The following PDE6B variants were observed in gnomAD, a reference collection of about 807,000 sequenced individuals.
PDE6B encodes phosphodiesterase 6B.
A neutral mutation model predicts 109.0 loss-of-function variants in PDE6B; 106 were observed. The observed-to-expected ratio is 0.97, with a 90% confidence interval of 0.83 to 1.14. PDE6B has a LOEUF of 1.14. Among genes scored for constraint, PDE6B ranks in the 50% most tolerant of loss-of-function variants. The pLI is 0.00. For missense variants in PDE6B, 1,193 were observed against 1,155.6 expected (o/e 1.03, Z -0.47); for synonymous variants, 490 against 471.3 (o/e 1.04, Z -0.51).
Position 667,870 on chromosome 4 carries a change from C to A in PDE6B, c.2367C>A (p.Phe789Leu). The change falls in exon 21 of 22, where the codon TTC becomes TTA. Residue 789 changes from phenylalanine (F) to leucine (L), a missense_variant. Coordinates refer to ENST00000496514, the MANE Select transcript of PDE6B (RefSeq NM_000283.4). ...CTFVYKEFSR[F>L]HEEILPMFDR... Reference sequence around the variant, plus strand: ...ACTCCCCTCAGGAGTTCTCTCGTTTCCACGAAGAGATCCTGCCCATGTTCG... The same window carrying A: ...ACTCCCCTCAGGAGTTCTCTCGTTTACACGAAGAGATCCTGCCCATGTTCG... The A allele has an allele frequency of 2.5e-6, 4 of 1,613,258 alleles. No individual in the cohort carries two copies. The highest frequency in any genetic ancestry group is 3.4e-6 in the Non-Finnish European group (4 of 1,179,596).
At chr4:664,075 C>G (rs992650711) in intron 16 of PDE6B, 39 bp from the exon 17 acceptor site, 1 of 1,418,312 alleles carries the variant, frequency 7.1e-7, no homozygotes, top group East Asian at 2.3e-5. Context: ...GGTCTCCACA[C>G]TTGCTCCCAC....
intron 1 of PDE6B, among the ~76,000 whole-genome samples, chr4:630,163 G>A (rs1435635414): frequency 6.6e-6 from 1 of 152,204 alleles, no homozygotes; most frequent in Admixed American, 6.5e-5. Flanking sequence ...ACAGACACAC[G>A]ATGGTGTGGC....
rs1028473123 is a variant in PDE6B, at chr4:636,869, A to T, written c.711+900A>T. 1.3e-5 allele frequency among the ~76,000 whole-genome samples: 2 copies of T among 152,224 alleles called. No individual in the cohort carries two copies. The highest frequency in any genetic ancestry group is 2.9e-5 in the Non-Finnish European group (2 of 68,028). On this transcript the variant is annotated intron_variant, in intron 3 of 21. Coordinates refer to ENST00000496514, the MANE Select transcript of PDE6B (RefSeq NM_000283.4). The surrounding 1 kb of genome is among the most constrained non-coding windows in gnomAD (Gnocchi z 4.5). The stretch of plus-strand genomic sequence containing the variant: ...GTCAGGGCCCCTGGGGCATCCAGCC[A>T]TCCAGCCAGTGGACACCTGTGAGAA...
At chr4:639,372 T>C (rs1456494646) in intron 3 of PDE6B, among the ~76,000 whole-genome samples, 2 of 152,114 alleles carry the variant, frequency 1.3e-5, no homozygotes, top group African/African-American at 4.8e-5. Context: ...AGGGCAGTTC[T>C]GTGATGTTTT....
chr4:653,188 G>A, intron 3 of PDE6B: 1 of 1,000,536 alleles, frequency 1.0e-6, no homozygotes, highest in Non-Finnish European at 1.2e-6. Flanking sequence ...CCGCAGCGGA[G>A]GAGAGGGAGC....
chr4:638,425 C>T (rs770607216), intron 3 of PDE6B, among the ~76,000 whole-genome samples: 6 of 152,086 alleles, frequency 3.9e-5, no homozygotes, highest in Non-Finnish European at 5.9e-5. Flanking sequence ...CAGGTTCAAG[C>T]GATTCTCCTG....
chr4:656,508 C>T (rs960277506), intron 8 of PDE6B, among the ~76,000 whole-genome samples: 11 of 151,732 alleles, frequency 7.2e-5, no homozygotes, highest in Admixed American at 3.3e-4. Flanking sequence ...AGGCCGTGAC[C>T]GCGGCCCCCA....
chr4:660,298 G>T (rs932055892), intron 11 of PDE6B, among the ~76,000 whole-genome samples, 169 bp from the exon 12 acceptor site: 8 of 152,222 alleles, frequency 5.3e-5, no homozygotes. Context: ...TGAGCCAGGG[G>T]GGCGTGTGAG....
chr4:662,512 G>A lies in PDE6B; in HGVS notation c.1726G>A (p.Gly576Ser), dbSNP rs753925314. ...AQTMFTLLMT[G>S]KLKSYYTDLE... Reference sequence around the variant, plus strand: ...CAAGGTGGCCCTGTCTCTACAGACCGGCAAACTGAAGAGCTACTACACGGA... The same window carrying A: ...CAAGGTGGCCCTGTCTCTACAGACCAGCAAACTGAAGAGCTACTACACGGA... Residue 576 changes from glycine to serine, a missense_variant, in exon 14 of 22, where the codon GGC becomes AGC. Transcript: ENST00000496514. The surrounding 1 kb of genome is among the most constrained non-coding windows in gnomAD (Gnocchi z 4.3). 14 of 1,609,068 alleles carry A rather than the reference G, an allele frequency of 8.7e-6. No individual in the cohort carries two copies. The highest frequency in any genetic ancestry group is 2.2e-5 in the East Asian group (1 of 44,888).
Position 663,576 on chromosome 4 carries a change from G to T in PDE6B, c.1921-194G>T. ...GAGGCCATCTGCGTCCCAAGCCGAC[G>T]ATGGAGCCGCTGGTGGAGAGCTGGG... On this transcript the variant is annotated intron_variant, in intron 15 of 21. Transcript: ENST00000496514. This position sits in a 1 kb window ranked among gnomAD's most constrained non-coding sequence, Gnocchi z 4.0. 1.6e-6 allele frequency: 1 copy of T among 627,828 alleles called. No individual in the cohort carries two copies. The highest frequency in any genetic ancestry group is 2.9e-6 in the Non-Finnish European group (1 of 350,528). The allele number at this position is 627,828 out of a possible 1,614,324, so 38.9% of individuals were successfully genotyped here.
chr4:646,877 A>T (rs1735230870), intron 3 of PDE6B, among the ~76,000 whole-genome samples: 2 of 147,998 alleles, frequency 1.4e-5, no homozygotes, highest in South Asian at 2.1e-4. Context: ...TTTTTTTTTG[A>T]GACATTGTCT....
At position 663,153 on chromosome 4, in the gene PDE6B, A is replaced by T; in HGVS notation, c.1886A>T (p.His629Leu). The T allele has an allele frequency of 6.2e-7, 1 of 1,611,310 alleles. No individual in the cohort carries two copies. Among genetic ancestry groups the T allele is most frequent in the Non-Finnish European group, 8.5e-7 (1 of 1,177,864 alleles). The change falls in exon 15 of 22, where the codon CAC becomes CTC. Residue 629 changes from histidine to leucine, a missense_variant. His to Leu is a moderately conservative substitution (Grantham distance 99). Transcript: ENST00000496514. This position sits in a 1 kb window ranked among gnomAD's most constrained non-coding sequence, Gnocchi z 4.0. ...LHGSSILERH[H>L]LEFGKFLLSE... ...GGCTCCTCGATTTTGGAGCGGCACC[A>T]CCTGGAGTTTGGGAAGTTCCTGCTC...
chr4:661,911 C>T lies in PDE6B; in HGVS notation c.1615-223C>T, dbSNP rs182070743. 6.4e-4 allele frequency: 374 copies of T among 584,026 alleles called. 1 individual carries two copies. The highest frequency in any genetic ancestry group is 6.0e-3 in the African/African-American group (324 of 53,942). 36.2% of individuals were successfully genotyped at this position (584,026 alleles called of 1,614,324 possible). A position where few individuals can be genotyped will look rare whatever the true frequency, so the allele number is the denominator to read the frequency against. On this transcript the variant is annotated intron_variant, in intron 12 of 21. Transcript: ENST00000496514. ...GCTGGGGCTGTTCTCAGCTCCTGCC[C>T]TACCTGGCTCCACCCCATAGGTGCC...
chr4:666,608 G>A lies in PDE6B; in HGVS notation c.2346G>A (p.Val782=). The A allele has an allele frequency of 1.2e-6, 2 of 1,608,342 alleles. No individual in the cohort carries two copies. Among genetic ancestry groups the A allele is most frequent in the South Asian group, 2.2e-5 (2 of 90,950 alleles). Reference sequence around the variant, plus strand: ...TCATCGACTTCGTGTGCACATTCGTGTACAAGGCGAGTGGTTCACGGGTGT... The same window carrying A: ...TCATCGACTTCGTGTGCACATTCGTATACAAGGCGAGTGGTTCACGGGTGT... The part of the protein sequence containing the change: ...VGFIDFVCTF[V]YKEFSRFHEE... Residue 782 remains valine, a synonymous_variant, in exon 20 of 22, where the codon GTG becomes GTA. Coordinates refer to ENST00000496514, the MANE Select transcript of PDE6B (RefSeq NM_000283.4). The surrounding 1 kb of genome is among the most constrained non-coding windows in gnomAD (Gnocchi z 5.6).
Position 625,857 on chromosome 4 carries a change from C to T in PDE6B, c.231C>T (p.Phe77=), listed in dbSNP as rs774936202. ...QESINMERVV[F]KVLRRLCTLL... is the part of the protein sequence containing the mutation. ...GCATCAACATGGAGCGCGTGGTCTT[C>T]AAGGTCCTGCGGCGCCTCTGCACCC... Residue 77 remains phenylalanine (F), a synonymous_variant, in exon 1 of 22, where the codon TTC becomes TTT. Coordinates refer to ENST00000496514, the MANE Select transcript of PDE6B (RefSeq NM_000283.4). The surrounding 1 kb of genome is among the most constrained non-coding windows in gnomAD (Gnocchi z 5.0). 164 of 1,611,540 alleles carry T rather than the reference C, an allele frequency of 1.0e-4. No homozygotes were observed. The highest frequency in any genetic ancestry group is 1.3e-4 in the Non-Finnish European group (152 of 1,179,342).
Position 636,381 on chromosome 4 carries a change from C to T in PDE6B, c.711+412C>T, listed in dbSNP as rs915297916. Reference sequence around the variant, plus strand: ...CTGAGAGAGGGTGTAGGGGCAGGTCCGGCCCTGGCTGAGAGAGGGTACGGG... The same window carrying T: ...CTGAGAGAGGGTGTAGGGGCAGGTCTGGCCCTGGCTGAGAGAGGGTACGGG... On this transcript the variant is annotated intron_variant, in intron 3 of 21. Transcript: ENST00000496514. The surrounding 1 kb of genome is among the most constrained non-coding windows in gnomAD (Gnocchi z 4.5). 1.3e-5 allele frequency among the ~76,000 whole-genome samples: 2 copies of T among 151,882 alleles called. No individual in the cohort carries two copies. Among genetic ancestry groups the T allele is most frequent in the Middle Eastern group, 3.2e-3 (1 of 316 alleles).
Position 627,981 on chromosome 4 carries a change from C to G in PDE6B, c.468+1887C>G, listed in dbSNP as rs139500663. On this transcript the variant is annotated intron_variant, in intron 1 of 21. Transcript: ENST00000496514. ...GCTGTTCTAGGTCCTGCCACCCCCA[C>G]CCCCAGTGCCATGGCCGCACCTGCC... 1.6e-3 allele frequency among the ~76,000 whole-genome samples: 244 copies of G among 152,196 alleles called. 2 individuals are homozygous for G. The highest frequency in any genetic ancestry group is 5.7e-3 in the African/African-American group (238 of 41,528).
At chr4:669,883 A>G (rs936121350) in intron 21 of PDE6B, among the ~76,000 whole-genome samples, 163 bp from the exon 22 acceptor site, 2 of 152,200 alleles carry the variant, frequency 1.3e-5, no homozygotes, top group Non-Finnish European at 2.9e-5. Flanking sequence ...AGGCTAAAGC[A>G]CTAAGAAAGG....
At chr4:630,116 CG>C (rs1734311473) in intron 1 of PDE6B, among the ~76,000 whole-genome samples, 1 of 152,112 alleles carries the variant, frequency 6.6e-6, no homozygotes, top group Admixed American at 6.6e-5. Flanking sequence ...AGAGGAGAGA[CG>C]GGGGGCCAGC....
Sources: gnomAD v4.1 joint callset for allele counts (sites outside exome capture counted in the v4.1 genomes callset) on GRCh38, gnomAD v4.1.1 for gene constraint, Gnocchi (gnomAD v3.1) non-coding constraint, MANE v1.5 for transcripts, NCBI Gene and HGNC (gene_info 2026-07-23, HGNC 2026-07-21) for gene names.